Variants in CNTN5 observed in about 807,000 individuals in gnomAD.
CNTN5 encodes the protein contactin-5.
A neutral mutation model predicts 129.1 loss-of-function variants in CNTN5; 77 were observed. That is an observed-to-expected ratio of 0.60 (90% confidence interval 0.50 to 0.72). The LOEUF is 0.72. Among genes scored for constraint, CNTN5 ranks in the 30% least tolerant of loss-of-function variants. The pLI, the probability that CNTN5 is intolerant of heterozygous loss-of-function variation, is 0.00. For missense variants in CNTN5, 1,478 were observed against 1,328.8 expected (o/e 1.11, Z -1.75); for synonymous variants, 509 against 465.6 (o/e 1.09, Z -1.20).
chr11:100,331,386 G>A (rs1951903350), intron 21 of CNTN5, among the ~76,000 whole-genome samples: 1 of 151,946 alleles, frequency 6.6e-6, no homozygotes, highest in African/African-American at 2.4e-5. Flanking sequence ...AATAACAGTG[G>A]GATACTTTAA....
chr11:99,903,648 T>C (rs1481263919), intron 6 of CNTN5, among the ~76,000 whole-genome samples: 2 of 152,110 alleles, frequency 1.3e-5, no homozygotes, highest in Non-Finnish European at 2.9e-5. Context: ...GAGGGAAATT[T>C]CTAGTAGATA....
At chr11:99,737,157 A>ACACACG (rs940826489) in intron 3 of CNTN5, among the ~76,000 whole-genome samples, 24 of 151,344 alleles carry the variant, frequency 1.6e-4, no homozygotes, top group Admixed American at 4.6e-4. Context: ...ACACACACAC[A>ACACACG]CACACGCACA....
At chr11:99,291,038 A>G (rs1403458437) in intron 1 of CNTN5, among the ~76,000 whole-genome samples, 1 of 151,910 alleles carries the variant, frequency 6.6e-6, no homozygotes, top group Non-Finnish European at 1.5e-5. Context: ...GCTGTGTCCA[A>G]ATGTAAAACT....
chr11:100,012,373 GT>G (rs1471257124), intron 9 of CNTN5, among the ~76,000 whole-genome samples: 2 of 152,140 alleles, frequency 1.3e-5, no homozygotes, highest in Non-Finnish European at 2.9e-5. Context: ...TCAGGCTAAT[GT>G]TTTGATGCAA....
At chr11:99,551,607 T>TA (rs1231830333) in intron 2 of CNTN5, among the ~76,000 whole-genome samples, 1 of 152,092 alleles carries the variant, frequency 6.6e-6, no homozygotes, top group Non-Finnish European at 1.5e-5. Flanking sequence ...TCTTAGGTGA[T>TA]ATAATCATTG....
intron 3 of CNTN5, among the ~76,000 whole-genome samples, chr11:99,786,402 C>A (rs1223515753): frequency 6.6e-6 from 1 of 151,578 alleles, no homozygotes; most frequent in East Asian, 2.1e-4. Context: ...TAGGAAGAAT[C>A]AATATCGCAA....
intron 2 of CNTN5, among the ~76,000 whole-genome samples, chr11:99,487,045 T>C (rs145017822): frequency 1.4e-3 from 208 of 152,278 alleles, no homozygotes; most frequent in African/African-American, 4.7e-3. Flanking sequence ...TGGTTGGCCA[T>C]ATTAGAGTAA....
At chr11:99,614,662 A>G (rs1332587060) in intron 3 of CNTN5, among the ~76,000 whole-genome samples, 20 of 152,184 alleles carry the variant, frequency 1.3e-4, no homozygotes, top group Admixed American at 1.2e-3. Context: ...ACAATCTGTT[A>G]CAGATCTTTG....
intron 2 of CNTN5, among the ~76,000 whole-genome samples, chr11:99,350,328 T>C (rs1214208926): frequency 6.6e-6 from 1 of 152,220 alleles, no homozygotes; most frequent in East Asian, 1.9e-4. Context: ...GCAAAGATTT[T>C]AGATGTTGGA....
intron 2 of CNTN5, among the ~76,000 whole-genome samples, chr11:99,338,201 A>G (rs954204992): frequency 2.0e-5 from 3 of 152,182 alleles, no homozygotes; most frequent in Non-Finnish European, 2.9e-5. Flanking sequence ...TCATTCAATA[A>G]TATCTACTCA....
chr11:99,750,700 A>G (rs1281727896), intron 3 of CNTN5, among the ~76,000 whole-genome samples: 1 of 152,228 alleles, frequency 6.6e-6, no homozygotes, highest in African/African-American at 2.4e-5. Context: ...TAGAAATACC[A>G]CATGCAATAA....
chr11:100,251,044 C>T (rs910079001), intron 16 of CNTN5, among the ~76,000 whole-genome samples: 6 of 152,122 alleles, frequency 3.9e-5, no homozygotes, highest in South Asian at 2.1e-4. Flanking sequence ...TATATGGACA[C>T]GTTAGCTAAA....
intron 2 of CNTN5, among the ~76,000 whole-genome samples, chr11:99,327,250 G>T (rs1256689091): frequency 6.6e-6 from 1 of 152,170 alleles, no homozygotes; most frequent in Admixed American, 6.6e-5. Context: ...CTCACTTCCA[G>T]ATGGATGATG....
At chr11:100,211,267 C>T (rs1037705038) in intron 15 of CNTN5, among the ~76,000 whole-genome samples, 14 of 152,080 alleles carry the variant, frequency 9.2e-5, no homozygotes, top group Admixed American at 7.9e-4. Context: ...CCAGCATTTA[C>T]GTATTTCTGC....
chr11:99,295,946 G>A (rs375378088), intron 1 of CNTN5, among the ~76,000 whole-genome samples: 2 of 147,898 alleles, frequency 1.4e-5, no homozygotes, highest in African/African-American at 2.5e-5. Context: ...TACTACTAAA[G>A]TTTCTCACCT....
chr11:99,962,735 T>G (rs1950984019), intron 8 of CNTN5, among the ~76,000 whole-genome samples: 1 of 151,476 alleles, frequency 6.6e-6, no homozygotes, highest in Non-Finnish European at 1.5e-5. Flanking sequence ...ATCGCCACAC[T>G]GACTTCCACA....
At chr11:99,520,058 T>C (rs4612766) in intron 2 of CNTN5, among the ~76,000 whole-genome samples, 17,493 of 152,138 alleles carry the variant, frequency 0.11, 1,235 homozygotes, top group African/African-American at 0.2. Flanking sequence ...TGTTTTTATA[T>C]AGCATTTATT....
intron 2 of CNTN5, among the ~76,000 whole-genome samples, chr11:99,509,731 T>G (rs1311072640): frequency 6.6e-6 from 1 of 152,042 alleles, no homozygotes; most frequent in Non-Finnish European, 1.5e-5. Flanking sequence ...AAAAAATATT[T>G]TACTGAGAAA....
intron 16 of CNTN5, among the ~76,000 whole-genome samples, chr11:100,225,778 TATC>T (rs1949360366): frequency 6.6e-6 from 1 of 152,110 alleles, no homozygotes; most frequent in Non-Finnish European, 1.5e-5. Flanking sequence ...ATAAAAACAT[TATC>T]ATCTATAGCA....
Sources: gnomAD v4.1 joint callset for allele counts (sites outside exome capture counted in the v4.1 genomes callset) on GRCh38, gnomAD v4.1.1 for gene constraint, MANE v1.5 for transcripts, NCBI Gene and HGNC (gene_info 2026-07-23, HGNC 2026-07-21) for gene names.